Variants in MFHAS1 observed in about 807,000 individuals in gnomAD.
The protein encoded by MFHAS1 is malignant fibrous histiocytoma-amplified sequence 1.
MFHAS1 carries 50 observed loss-of-function variants against 70.4 expected under a neutral mutation model. The ratio of observed to expected loss-of-function variants is 0.71; its 90% CI spans 0.57 to 0.90. The LOEUF is 0.90. Among genes scored for constraint, MFHAS1 ranks in the 40% least tolerant of loss-of-function variants. The probability of loss-of-function intolerance (pLI) is 0.00; values close to 1 mark genes in which losing one functional copy is unlikely to be tolerated. For missense variants in MFHAS1, 1,795 were observed against 1,347.6 expected, an observed-to-expected ratio of 1.33 and a Z score of -5.20; for synonymous variants, 952 against 620.0, an observed-to-expected ratio of 1.54 and a Z score of -7.96.
intron 1 of MFHAS1, among the ~76,000 whole-genome samples, chr8:8,834,376 T>C (rs1807522500): frequency 6.6e-6 from 1 of 152,218 alleles, no homozygotes; most frequent in Admixed American, 6.5e-5. Flanking sequence ...CCTTCACATT[T>C]ACTCATTACT....
intron 2 of MFHAS1, among the ~76,000 whole-genome samples, chr8:8,797,029 T>A (rs947506450): frequency 6.6e-6 from 1 of 151,968 alleles, no homozygotes; most frequent in Non-Finnish European, 1.5e-5. Flanking sequence ...TTCTTTTTGG[T>A]TCCATATACC....
chr8:8,877,605 C>A (rs1199006252), intron 1 of MFHAS1, among the ~76,000 whole-genome samples: 1 of 152,134 alleles, frequency 6.6e-6, no homozygotes, highest in Non-Finnish European at 1.5e-5. Context: ...CCCTCTACTC[C>A]GACATAGTGA....
rs888776040 is a variant in MFHAS1 at position 8,891,210 on chromosome 8, G to C, written c.1849C>G (p.Arg617Gly). ...AACACGGGGGAGAGGATCTGCAGCC[G>C]GTGGTTGAGCAGGTATTGAAAATGG... ...KAHFQYLLNH[R>G]LQILSPVLPV... Residue 617 changes from arginine (R) to glycine (G), a missense_variant, in exon 1 of 3, where the codon CGG becomes GGG. Coordinates refer to ENST00000276282, the MANE Select transcript of MFHAS1 (RefSeq NM_004225.3). This position sits in a 1 kb window ranked among gnomAD's most constrained non-coding sequence, Gnocchi z 5.4. The C allele has an allele frequency of 1.2e-6, 2 of 1,612,628 alleles. No homozygotes were observed. Among genetic ancestry groups the C allele is most frequent in the African/African-American group, 1.3e-5 (1 of 74,942 alleles).
At chr8:8,823,079 T>C (rs1254833996) in intron 1 of MFHAS1, among the ~76,000 whole-genome samples, 2 of 152,112 alleles carry the variant, frequency 1.3e-5, no homozygotes, top group Non-Finnish European at 2.9e-5. Flanking sequence ...AGAGATTCTC[T>C]TCCCCATCCT....
At chr8:8,828,392 T>C (rs1467801312) in intron 1 of MFHAS1, among the ~76,000 whole-genome samples, 2 of 152,212 alleles carry the variant, frequency 1.3e-5, no homozygotes, top group Non-Finnish European at 2.9e-5. Flanking sequence ...CAAGGCCTCC[T>C]TGGGACACTG....
At chr8:8,810,400 A>G (rs1240028444) in intron 1 of MFHAS1, among the ~76,000 whole-genome samples, 1 of 152,032 alleles carries the variant, frequency 6.6e-6, no homozygotes, top group African/African-American at 2.4e-5. Context: ...TATACAGTCA[A>G]CTCCTGAACA....
At position 8,784,562 on chromosome 8, in the gene MFHAS1, C is replaced by T. The variant is rs1805468868; in HGVS notation, c.*1460G>A. ...GGTTTGTGATTTCTAGCAGGGCAGT[C>T]GCTTGCTCCTTATTTCTTTTAAAAA... is the stretch of plus-strand genomic sequence containing the variant. On this transcript the variant is annotated 3_prime_UTR_variant, in exon 3 of 3. Coordinates refer to ENST00000276282, the MANE Select transcript of MFHAS1 (RefSeq NM_004225.3). The T allele has an allele frequency of 6.6e-6, 1 of 152,176 alleles. No homozygotes were observed. The highest frequency in any genetic ancestry group is 1.5e-5 in the Non-Finnish European group (1 of 68,034). 9.4% of individuals were successfully genotyped at this position (152,176 alleles called of 1,614,324 possible).
intron 1 of MFHAS1, among the ~76,000 whole-genome samples, chr8:8,847,241 G>A (rs1274148452): frequency 6.6e-6 from 1 of 152,146 alleles, no homozygotes; most frequent in African/African-American, 2.4e-5. Context: ...GAGTACAATG[G>A]CTTGATGTGG....
chr8:8,851,615 C>G (rs1808249942), intron 1 of MFHAS1, among the ~76,000 whole-genome samples: 1 of 152,194 alleles, frequency 6.6e-6, no homozygotes, highest in Admixed American at 6.5e-5. Flanking sequence ...GTTTACAGTT[C>G]TTATCTACTG....
chr8:8,830,269 T>C (rs188788771), intron 1 of MFHAS1, among the ~76,000 whole-genome samples: 10 of 152,286 alleles, frequency 6.6e-5, no homozygotes, highest in African/African-American at 1.9e-4. Flanking sequence ...ACTCCTAAAA[T>C]AAACTAGAGT....
intron 2 of MFHAS1, among the ~76,000 whole-genome samples, chr8:8,791,075 TA>T (rs1036531263): frequency 1.7e-4 from 25 of 150,400 alleles, no homozygotes; most frequent in African/African-American, 6.1e-4. Flanking sequence ...TAGTACTTCC[TA>T]AAAAAGGAGA....
At chr8:8,884,023 C>T (rs922303163) in intron 1 of MFHAS1, among the ~76,000 whole-genome samples, 4 of 149,032 alleles carry the variant, frequency 2.7e-5, no homozygotes, top group African/African-American at 7.4e-5. Context: ...CATAAAAAGG[C>T]CCTATCTCTA....
chr8:8,863,161 G>A (rs1158378228), intron 1 of MFHAS1, among the ~76,000 whole-genome samples: 2 of 152,130 alleles, frequency 1.3e-5, no homozygotes, highest in Non-Finnish European at 2.9e-5. Flanking sequence ...GTATGTGTGG[G>A]TCTATTCTGT....
intron 1 of MFHAS1, among the ~76,000 whole-genome samples, chr8:8,838,464 C>A (rs574460427): frequency 6.6e-6 from 1 of 152,140 alleles, no homozygotes; most frequent in Non-Finnish European, 1.5e-5. Context: ...TGAAAAGAAG[C>A]GAAGCTGTCC....
At position 8,817,687 on chromosome 8, in the gene MFHAS1, A is replaced by T. The variant is rs537364522; in HGVS notation, c.2999-20196T>A. 2.6e-5 allele frequency among the ~76,000 whole-genome samples: 4 copies of T among 152,308 alleles called. No individual in the cohort carries two copies. In the South Asian group the frequency reaches 6.2e-4, roughly 24 times the overall value. On this transcript the variant is annotated intron_variant, in intron 1 of 2. Coordinates refer to ENST00000276282, the MANE Select transcript of MFHAS1 (RefSeq NM_004225.3). Reference sequence around the variant, plus strand: ...CTAGAAACCAGTTTCGTGGAAGATGATTTTTCCAGGGATGGCGGAGGAGGG... The same window carrying T: ...CTAGAAACCAGTTTCGTGGAAGATGTTTTTTCCAGGGATGGCGGAGGAGGG...
intron 1 of MFHAS1, among the ~76,000 whole-genome samples, chr8:8,849,579 G>A (rs1808165681): frequency 6.6e-6 from 1 of 152,158 alleles, no homozygotes; most frequent in Non-Finnish European, 1.5e-5. Context: ...CACAGCTGCG[G>A]TCCTGTTCAG....
chr8:8,854,437 A>T (rs435953), intron 1 of MFHAS1, among the ~76,000 whole-genome samples: 2 of 151,604 alleles, frequency 1.3e-5, no homozygotes, highest in South Asian at 2.1e-4. Context: ...AGGATAATGG[A>T]GTGAACCCGG....
At chr8:8,810,780 T>C (rs1397524383) in intron 1 of MFHAS1, among the ~76,000 whole-genome samples, 2 of 152,200 alleles carry the variant, frequency 1.3e-5, no homozygotes, top group African/African-American at 2.4e-5. Context: ...GGGAGGGGGC[T>C]GGTCAGTGCC....
intron 1 of MFHAS1, among the ~76,000 whole-genome samples, chr8:8,823,942 C>T (rs977607297): frequency 4.5e-5 from 6 of 134,498 alleles, no homozygotes; most frequent in Admixed American, 8.6e-5. Flanking sequence ...TCTATCACAG[C>T]AGATTTCCCT....
Sources: gnomAD v4.1 joint callset for allele counts (sites outside exome capture counted in the v4.1 genomes callset) on GRCh38, gnomAD v4.1.1 for gene constraint, Gnocchi (gnomAD v3.1) non-coding constraint, MANE v1.5 for transcripts, NCBI Gene and HGNC (gene_info 2026-07-23, HGNC 2026-07-21) for gene names.